The following HIF1A variants were observed in gnomAD, a reference collection of about 807,000 sequenced individuals.
HIF1A encodes the protein hypoxia-inducible factor 1-alpha.
HIF1A carries 24 observed loss-of-function variants against 92.7 expected under a neutral mutation model. The ratio of observed to expected loss-of-function variants is 0.26; its 90% CI spans 0.19 to 0.36. The LOEUF is 0.36. HIF1A is among the 10% of genes least tolerant of loss of function. The pLI, the probability that HIF1A is intolerant of heterozygous loss-of-function variation, is 1.00. For missense variants in HIF1A, 799 were observed against 998.5 expected, an observed-to-expected ratio of 0.80 and a Z score of 2.69; for synonymous variants, 319 against 338.7, an observed-to-expected ratio of 0.94 and a Z score of 0.64.
intron 1 of HIF1A, among the ~76,000 whole-genome samples, chr14:61,708,444 A>AT (rs1205580340): frequency 6.6e-6 from 1 of 152,154 alleles, no homozygotes; most frequent in Admixed American, 6.5e-5. Flanking sequence ...TAGGTCTAAC[A>AT]TTTAAGTCTT....
At chr14:61,739,300 C>G (rs1030599573) in intron 10 of HIF1A, among the ~76,000 whole-genome samples, 1 of 152,108 alleles carries the variant, frequency 6.6e-6, no homozygotes, top group East Asian at 1.9e-4. Flanking sequence ...AAAGGCTAGG[C>G]TGGCCAAGAC....
chr14:61,734,783 G>C (rs1017438899), intron 8 of HIF1A, among the ~76,000 whole-genome samples: 4 of 140,686 alleles, frequency 2.8e-5, no homozygotes, highest in African/African-American at 1.1e-4. Flanking sequence ...AGGGGGGAGG[G>C]ATAGCATTAG....
In HIF1A at chr14:61,737,008, C is replaced by T; in HGVS notation, c.1148C>T (p.Thr383Ile). 1 of 1,614,026 alleles carries T rather than the reference C, an allele frequency of 6.2e-7. No individual in the cohort carries two copies. Residue 383 changes from threonine to isoleucine, a missense_variant, in exon 9 of 15, where the codon ACA becomes ATA. Physicochemically the swap from Thr to Ile is moderately conservative, Grantham distance 89. Transcript: ENST00000337138. ...TTCACCAAAGTTGAATCAGAAGATA[C>T]AAGTAGCCTCTTTGACAAACTTAAG... ...QLFTKVESEDTSSLFDKLKKE... is the reference protein window; with the variant it reads ...QLFTKVESEDISSLFDKLKKE...
chr14:61,747,248 CT>C lies in HIF1A; in HGVS notation c.*169del. The C allele has an allele frequency of 2.0e-6, 1 of 508,962 alleles. No homozygotes were observed. The highest frequency in any genetic ancestry group is 3.8e-5 in the South Asian group (1 of 26,624). The allele number at this position is 508,962 out of a possible 1,614,324, so 31.5% of individuals were successfully genotyped here. A position where few individuals can be genotyped will look rare whatever the true frequency, so the allele number is the denominator to read the frequency against. On this transcript the variant is annotated 3_prime_UTR_variant, in exon 15 of 15. Transcript: ENST00000337138. ...TTTCTACTTAATTTACATTAATGCTCTTTTTTAGTATGTTCTTTAATGCTGG... is the reference window on the plus strand; with the variant it reads ...TTTCTACTTAATTTACATTAATGCTCTTTTTAGTATGTTCTTTAATGCTGG...
intron 12 of HIF1A, among the ~76,000 whole-genome samples, chr14:61,742,543 G>T (rs538487563): frequency 6.6e-6 from 1 of 152,230 alleles, no homozygotes; most frequent in Admixed American, 6.5e-5. Flanking sequence ...GGGCATTTTA[G>T]TGATACTAAT....
chr14:61,699,131 C>G (rs2140115274), intron 1 of HIF1A, among the ~76,000 whole-genome samples: 1 of 152,286 alleles, frequency 6.6e-6, no homozygotes, highest in African/African-American at 2.4e-5. Flanking sequence ...GGCAAGACTT[C>G]AAGCTTGTCT....
At position 61,695,831 on chromosome 14, in the gene HIF1A, C is replaced by G; in HGVS notation, c.27C>G (p.Asp9Glu). The G allele has an allele frequency of 6.3e-7, 1 of 1,592,516 alleles. No homozygotes were observed. The highest frequency in any genetic ancestry group is 8.5e-7 in the Non-Finnish European group (1 of 1,170,978). Residue 9 changes from aspartate to glutamate, a missense_variant, in exon 1 of 15, where the codon GAC becomes GAG. Transcript: ENST00000337138. MEGAGGAN[D>E]KKKISSERRK... ...TGGAGGGCGCCGGCGGCGCGAACGA[C>G]AAGAAAAAGTAAGCCCATTCCCTCG...
intron 4 of HIF1A, among the ~76,000 whole-genome samples, chr14:61,724,475 C>T (rs996407206): frequency 6.6e-6 from 1 of 151,046 alleles, no homozygotes; most frequent in Non-Finnish European, 1.5e-5. Flanking sequence ...AGGGCAAATT[C>T]ACTTCTTAAT....
chr14:61,702,908 C>T (rs1594856408), intron 1 of HIF1A, among the ~76,000 whole-genome samples: 1 of 152,158 alleles, frequency 6.6e-6, no homozygotes. Flanking sequence ...AAAAAATTTA[C>T]ATCTACATTT....
rs774389470 is a variant in HIF1A, at chr14:61,744,706, A to G, written c.2095A>G (p.Thr699Ala). 1 of 1,453,198 alleles carries G rather than the reference A, an allele frequency of 6.9e-7. No individual in the cohort carries two copies. Among genetic ancestry groups the G allele is most frequent in the South Asian group, 1.2e-5 (1 of 81,438 alleles). The allele number at this position is 1,453,198 out of a possible 1,614,324, so 90.0% of individuals were successfully genotyped here. The change falls in exon 13 of 15, where the codon ACT becomes GCT. Residue 699 changes from threonine to alanine, a missense_variant and splice_region_variant. By Grantham distance (58) the Thr-to-Ala change is moderately conservative (BLOSUM62 0). Coordinates refer to ENST00000337138, the MANE Select transcript of HIF1A (RefSeq NM_001530.4). ...CATTTAGAATTTTTTTCTTTTCAGAACTACAGTTCCTGAGGAAGAACTAAA... is the reference window on the plus strand; with the variant it reads ...CATTTAGAATTTTTTTCTTTTCAGAGCTACAGTTCCTGAGGAAGAACTAAA... Reference protein sequence around the residue: ...NVLSVALSQRTTVPEEELNPK... With the variant: ...NVLSVALSQRATVPEEELNPK...
chr14:61,724,350 T>TCC (rs2044473563), intron 4 of HIF1A, among the ~76,000 whole-genome samples: 1 of 20,870 alleles, frequency 4.8e-5, no homozygotes, highest in Non-Finnish European at 1.0e-4. Flanking sequence ...ACACACACAT[T>TCC]CTCTCTCTCT....
At chr14:61,696,973 AAC>A (rs1327439055) in intron 1 of HIF1A, among the ~76,000 whole-genome samples, 1 of 152,180 alleles carries the variant, frequency 6.6e-6, no homozygotes, top group Non-Finnish European at 1.5e-5. Flanking sequence ...CCCATCCCCC[AAC>A]ACACACACAA....
At chr14:61,716,712 T>C (rs1284354128) in intron 1 of HIF1A, among the ~76,000 whole-genome samples, 1 of 152,218 alleles carries the variant, frequency 6.6e-6, no homozygotes, top group African/African-American at 2.4e-5. Flanking sequence ...ATGAACTTTG[T>C]ACACAAGAAG....
chr14:61,744,308 T>A (rs2044749798), intron 12 of HIF1A, among the ~76,000 whole-genome samples: 1 of 152,118 alleles, frequency 6.6e-6, no homozygotes, highest in African/African-American at 2.4e-5. Flanking sequence ...GCAGATCACT[T>A]GCGCTCAGGA....
At chr14:61,717,529 T>C (rs2044376926) in intron 1 of HIF1A, among the ~76,000 whole-genome samples, 1 of 152,232 alleles carries the variant, frequency 6.6e-6, no homozygotes, top group South Asian at 2.1e-4. Context: ...CTGGTTTTCT[T>C]CCAAAATTCA....
intron 7 of HIF1A, among the ~76,000 whole-genome samples, chr14:61,733,570 A>G (rs1276785487): frequency 6.6e-6 from 1 of 152,186 alleles, no homozygotes; most frequent in Non-Finnish European, 1.5e-5. Context: ...TGTGTGACTG[A>G]TCAGCCTTGA....
intron 10 of HIF1A, 152 bp downstream of exon 10, chr14:61,738,525 A>G: frequency 1.4e-6 from 1 of 738,568 alleles, no homozygotes; most frequent in African/African-American, 1.8e-5. Context: ...TGCAAGAGCT[A>G]CTGCCTAACC....
At chr14:61,725,728 T>C (rs1260775495) in intron 4 of HIF1A, among the ~76,000 whole-genome samples, 1 of 151,924 alleles carries the variant, frequency 6.6e-6, no homozygotes, top group African/African-American at 2.4e-5. Context: ...AGCAAGATGC[T>C]CTTTTCTCAG....
At chr14:61,714,563 C>T (rs2044342345) in intron 1 of HIF1A, among the ~76,000 whole-genome samples, 1 of 152,126 alleles carries the variant, frequency 6.6e-6, no homozygotes. Flanking sequence ...AAAACCCTTC[C>T]CACTTAAAAA....
Sources: allele counts gnomAD v4.1 joint callset (sites outside exome capture counted in the v4.1 genomes callset), GRCh38; gene constraint gnomAD v4.1.1; transcripts MANE v1.5; gene names NCBI Gene and HGNC (gene_info 2026-07-23, HGNC 2026-07-21).